TBC1D10A: variants seen among roughly 807,000 people sequenced by gnomAD.
The protein encoded by TBC1D10A is TBC1 domain family member 10A.
TBC1D10A carries 24 observed loss-of-function variants against 52.9 expected under a neutral mutation model. The ratio of observed to expected loss-of-function variants is 0.45; its 90% CI spans 0.33 to 0.64. The LOEUF (loss-of-function observed/expected upper bound fraction) is 0.64, where lower values mean the gene tolerates loss of function less well. TBC1D10A is among the 30% of genes least tolerant of loss of function. The pLI is 0.02. For synonymous variants in TBC1D10A, 278 were observed against 282.9 expected (o/e 0.98, Z 0.17); for missense variants, 602 against 687.9 (o/e 0.88, Z 1.40).
Position 30,326,671 on chromosome 22 carries a change from A to G in TBC1D10A, c.209+2T>C. ...TCAGTCCCGACCCCCGGCGCTACTCACGCGCCCTCGGCGCCCTGCGAGCCC... is the reference window on the plus strand; with the variant it reads ...TCAGTCCCGACCCCCGGCGCTACTCGCGCGCCCTCGGCGCCCTGCGAGCCC... On this transcript the variant is annotated splice_donor_variant, in intron 1 of 8. Transcript: ENST00000215790. LOFTEE classifies it high-confidence loss of function. The G allele has an allele frequency of 6.4e-7, 1 of 1,552,550 alleles. No individual in the cohort carries two copies. The highest frequency in any genetic ancestry group is 8.7e-7 in the Non-Finnish European group (1 of 1,149,902).
intron 1 of TBC1D10A, among the ~76,000 whole-genome samples, chr22:30,315,048 C>A (rs1296448976): frequency 6.6e-6 from 1 of 152,138 alleles, no homozygotes; most frequent in Non-Finnish European, 1.5e-5. Flanking sequence ...GAAGGTCAGG[C>A]CCTCAGATCA....
chr22:30,325,308 A>G (rs1404518612), intron 1 of TBC1D10A, among the ~76,000 whole-genome samples: 1 of 152,246 alleles, frequency 6.6e-6, no homozygotes, highest in African/African-American at 2.4e-5. Flanking sequence ...GGCCTGGTGA[A>G]TAAGAGGCTT....
chr22:30,323,057 A>G (rs1387961674), intron 1 of TBC1D10A, among the ~76,000 whole-genome samples: 2 of 150,722 alleles, frequency 1.3e-5, no homozygotes, highest in African/African-American at 4.9e-5. Flanking sequence ...TGCCCACCAC[A>G]ATGCCCAGCT....
chr22:30,296,850 G>A (rs1930090933), intron 3 of TBC1D10A: 4 of 152,204 alleles, frequency 2.6e-5, no homozygotes. Context: ...AAGCCCAGAG[G>A]GCTGAGCAGG....
intron 1 of TBC1D10A, among the ~76,000 whole-genome samples, chr22:30,313,330 G>A (rs1267282157): frequency 7.0e-6 from 1 of 143,640 alleles, no homozygotes; most frequent in Non-Finnish European, 1.5e-5. Context: ...TACCTAGCTG[G>A]TGCTCAATAA....
chr22:30,312,286 C>T (rs114382512), intron 1 of TBC1D10A, among the ~76,000 whole-genome samples: 2,632 of 152,300 alleles, frequency 0.017, 84 homozygotes, highest in African/African-American at 0.06. Flanking sequence ...TTAGTCTTGA[C>T]TCACTGTTTA....
At chr22:30,307,716 C>A (rs1222943866) in intron 1 of TBC1D10A, 2 of 152,250 alleles carry the variant, frequency 1.3e-5, no homozygotes, top group South Asian at 2.1e-4. Context: ...TTACTACTTA[C>A]AATTTTCTTC....
In TBC1D10A at chr22:30,317,413, A is replaced by C. The variant is rs571194426; in HGVS notation, c.209+9260T>G. 3.1e-3 allele frequency among the ~76,000 whole-genome samples: 475 copies of C among 152,206 alleles called. 2 individuals carry two copies. The highest frequency in any genetic ancestry group is 4.2e-3 in the Non-Finnish European group (284 of 67,982). ...GCAAAAGAGCAAAACTCCATCTCAA[A>C]AAAACAAAACAAAACAAAACAAAAC... On this transcript the variant is annotated intron_variant, in intron 1 of 8. Transcript: ENST00000215790.
rs2062783103 is a variant in TBC1D10A, at chr22:30,323,198, C to G, written c.209+3475G>C. 1.3e-5 allele frequency among the ~76,000 whole-genome samples: 2 copies of G among 152,242 alleles called. 1 individual carries two copies. Among genetic ancestry groups the G allele is most frequent in the South Asian group, 4.1e-4 (2 of 4,830 alleles). Reference sequence around the variant, plus strand: ...GGGATTATAGGCGTGAGCCACCATGCCCTGCCACTTTCAGCTTCCTGACTT... The same window carrying G: ...GGGATTATAGGCGTGAGCCACCATGGCCTGCCACTTTCAGCTTCCTGACTT... On this transcript the variant is annotated intron_variant, in intron 1 of 8. Coordinates refer to ENST00000215790, the MANE Select transcript of TBC1D10A (RefSeq NM_031937.3).
chr22:30,296,119 G>A, intron 3 of TBC1D10A: 1 of 431,992 alleles, frequency 2.3e-6, no homozygotes, highest in Non-Finnish European at 4.2e-6. Flanking sequence ...AGCTGCGGCT[G>A]GAAGGACCTC....
At chr22:30,324,864 G>A (rs544440894) in intron 1 of TBC1D10A, among the ~76,000 whole-genome samples, 29 of 152,202 alleles carry the variant, frequency 1.9e-4, no homozygotes, top group African/African-American at 7.0e-4. Context: ...CCTAAGTTTG[G>A]CCTTTTCCTA....
intron 1 of TBC1D10A, among the ~76,000 whole-genome samples, chr22:30,306,882 G>A (rs1930320642): frequency 2.0e-5 from 3 of 152,118 alleles, no homozygotes; most frequent in Admixed American, 2.0e-4. Context: ...AAACATTGCA[G>A]GCTATCTATT....
Position 30,293,635 on chromosome 22 carries a change from C to A in TBC1D10A, c.1050+16G>T. The A allele has an allele frequency of 6.3e-7, 1 of 1,591,446 alleles. No homozygotes were observed. The highest frequency in any genetic ancestry group is 8.6e-7 in the Non-Finnish European group (1 of 1,165,008). ...CTTCCTCCCTCCCCATGATAAGGGG[C>A]AGGCATGGGCTGTACCTCCTGGACC... is the stretch of plus-strand genomic sequence containing the variant. On this transcript the variant is annotated intron_variant, in intron 8 of 8. Coordinates refer to ENST00000215790, the MANE Select transcript of TBC1D10A (RefSeq NM_031937.3).
intron 1 of TBC1D10A, among the ~76,000 whole-genome samples, chr22:30,315,048 C>G (rs1296448976): frequency 6.6e-6 from 1 of 152,138 alleles, no homozygotes; most frequent in Non-Finnish European, 1.5e-5. Flanking sequence ...GAAGGTCAGG[C>G]CCTCAGATCA....
intron 1 of TBC1D10A, 39 bp downstream of exon 1, chr22:30,326,634 T>C (rs772738298): frequency 1.0e-5 from 16 of 1,551,698 alleles, no homozygotes; most frequent in African/African-American, 1.4e-5. Flanking sequence ...GCCCCTCGCG[T>C]GGGTGGCGCG....
intron 4 of TBC1D10A, among the ~76,000 whole-genome samples, 192 bp from the exon 5 acceptor site, chr22:30,295,247 G>A (rs888556302): frequency 1.4e-4 from 22 of 152,236 alleles, no homozygotes; most frequent in Admixed American, 4.6e-4. Flanking sequence ...GAAGGAAGGA[G>A]GTGGGGAAGG....
rs183993919 is a variant in TBC1D10A at position 30,311,226 on chromosome 22, G to A, written c.210-6596C>T. On this transcript the variant is annotated intron_variant, in intron 1 of 8. Coordinates refer to ENST00000215790, the MANE Select transcript of TBC1D10A (RefSeq NM_031937.3). ...TGATGATGAGAAACCAAAGGCAGGA[G>A]AGGGTAGGCTGGTGGTGTGCAAATG... Among the ~76,000 whole-genome samples the A allele has an allele frequency of 3.9e-5, 6 of 152,336 alleles. No homozygotes were observed. In the East Asian group the frequency reaches 7.7e-4, roughly 20 times the overall value.
intron 1 of TBC1D10A, among the ~76,000 whole-genome samples, chr22:30,318,024 G>C (rs1368768941): frequency 6.6e-6 from 1 of 152,176 alleles, no homozygotes; most frequent in Non-Finnish European, 1.5e-5. Flanking sequence ...GCCTGGTTCA[G>C]AGCCCTTTCT....
chr22:30,304,728 T>C, intron 1 of TBC1D10A, 98 bp from the exon 2 acceptor site: 4 of 1,520,932 alleles, frequency 2.6e-6, no homozygotes, highest in Non-Finnish European at 3.5e-6. Flanking sequence ...CCATTCTTCC[T>C]GCCTACCATC....
Sources: gnomAD v4.1 joint callset for allele counts (sites outside exome capture counted in the v4.1 genomes callset) on GRCh38, gnomAD v4.1.1 for gene constraint, MANE v1.5 for transcripts, NCBI Gene and HGNC (gene_info 2026-07-23, HGNC 2026-07-21) for gene names.